FBXO3: variants seen among roughly 807,000 people sequenced by gnomAD.
The protein encoded by FBXO3 is F-box only protein 3.
FBXO3 carries 17 observed loss-of-function variants against 64.8 expected under a neutral mutation model. The ratio of observed to expected loss-of-function variants is 0.26; its 90% CI spans 0.18 to 0.39. FBXO3 has a LOEUF of 0.39. Ranked by LOEUF, FBXO3 falls within the 10% of genes least tolerant of loss-of-function variation. The probability of loss-of-function intolerance (pLI) is 1.00; values close to 1 mark genes in which losing one functional copy is unlikely to be tolerated. For missense variants in FBXO3, 420 were observed against 589.9 expected, an observed-to-expected ratio of 0.71 and a Z score of 2.98; for synonymous variants, 182 against 201.6, an observed-to-expected ratio of 0.90 and a Z score of 0.82.
intron 3 of FBXO3, among the ~76,000 whole-genome samples, chr11:33,764,549 T>A: frequency 6.6e-6 from 1 of 152,022 alleles, no homozygotes; most frequent in East Asian, 1.9e-4. Flanking sequence ...TCTGCAGTTA[T>A]CTTTCTAAAA....
At chr11:33,771,095 T>C (rs1341681895) in intron 1 of FBXO3, 3 of 289,484 alleles carry the variant, frequency 1.0e-5, no homozygotes, top group East Asian at 6.4e-5. Context: ...ACAGACCATA[T>C]ATGCCATTGG....
At chr11:33,766,178 C>T (rs77254607) in intron 3 of FBXO3, among the ~76,000 whole-genome samples, 5,190 of 152,288 alleles carry the variant, frequency 0.034, 236 homozygotes, top group East Asian at 0.18. Flanking sequence ...TTCTTTTCCC[C>T]TTAACCTACT....
rs1854834069 is a variant in FBXO3 at position 33,747,167 on chromosome 11, A to G, written c.1202T>C (p.Met401Thr). ...AGACACCCTGAATGTTGGACATGCC[A>G]TATGGAATCGGGGAATGGCAACATT... ...IFNVAIPRFH[M>T]ACPTFRVSIA... is the part of the protein sequence containing the mutation. The change falls in exon 10 of 11, where the codon ATG becomes ACG. Residue 401 changes from methionine to threonine, a missense_variant. By Grantham distance (81) the Met-to-Thr change is moderately conservative. This residue lies in a region of FBXO3 where 337 missense variants were observed against 518.4 expected (regional missense o/e 0.65). Transcript: ENST00000265651. 3.1e-6 allele frequency: 5 copies of G among 1,609,694 alleles called. No homozygotes were observed. The highest frequency in any genetic ancestry group is 1.3e-5 in the African/African-American group (1 of 74,582).
intron 6 of FBXO3, chr11:33,753,363 C>A (rs1855010960): frequency 6.6e-6 from 1 of 152,250 alleles, no homozygotes; most frequent in Non-Finnish European, 1.5e-5. Flanking sequence ...GAGCACCAAA[C>A]TAAGAGTAAG....
chr11:33,756,710 G>A (rs564909810), intron 4 of FBXO3, among the ~76,000 whole-genome samples: 3 of 152,202 alleles, frequency 2.0e-5, no homozygotes, highest in African/African-American at 4.8e-5. Flanking sequence ...AGTCCTAACT[G>A]ACTTCTATGT....
intron 1 of FBXO3, chr11:33,773,271 G>A (rs1855555408): frequency 6.6e-6 from 1 of 152,198 alleles, no homozygotes; most frequent in Non-Finnish European, 1.5e-5. Context: ...TAAATTGTAA[G>A]TATTTTCTAG....
intron 3 of FBXO3, among the ~76,000 whole-genome samples, chr11:33,759,494 G>C (rs1162562877): frequency 2.6e-5 from 4 of 152,138 alleles, no homozygotes; most frequent in Non-Finnish European, 5.9e-5. Flanking sequence ...CTAGGAAAAA[G>C]GATGAACTGA....
At chr11:33,768,135 A>G (rs1182673716) in intron 3 of FBXO3, among the ~76,000 whole-genome samples, 1 of 151,774 alleles carries the variant, frequency 6.6e-6, no homozygotes, top group Non-Finnish European at 1.5e-5. Flanking sequence ...ACATCTATAC[A>G]ATGCCTTTCA....
chr11:33,747,889 A>C (rs1470481560), intron 9 of FBXO3, among the ~76,000 whole-genome samples: 6 of 152,138 alleles, frequency 3.9e-5, no homozygotes, highest in East Asian at 1.9e-4. Flanking sequence ...AAAAAAAAAA[A>C]AAAACAGAAC....
chr11:33,770,723 T>A lies in FBXO3; in HGVS notation c.194+18A>T, dbSNP rs1168669022. 6.3e-7 allele frequency: 1 copy of A among 1,599,114 alleles called. No homozygotes were observed. The highest frequency in any genetic ancestry group is 1.7e-5 in the Admixed American group (1 of 59,838). ...CCAAGGGCCAGTTTTCAGAAGTACATATTCCTCGAATACTCACTCAGATAT... is the reference window on the plus strand; with the variant it reads ...CCAAGGGCCAGTTTTCAGAAGTACAAATTCCTCGAATACTCACTCAGATAT... On this transcript the variant is annotated intron_variant, in intron 2 of 10. Transcript: ENST00000265651.
rs576320017 is a variant in FBXO3 at position 33,763,043 on chromosome 11, T to C, written c.359-4442A>G. ...GGACAATTTCCTAGAAAACAACTTA[T>C]CAAAATTGACATAAGAATAAATAGA... is the stretch of plus-strand genomic sequence containing the variant. On this transcript the variant is annotated intron_variant, in intron 3 of 10. Transcript: ENST00000265651. 1.4e-3 allele frequency among the ~76,000 whole-genome samples: 216 copies of C among 152,196 alleles called. 2 individuals are homozygous for C. Among genetic ancestry groups the C allele is most frequent in the African/African-American group, 4.8e-3 (200 of 41,542 alleles).
In FBXO3 at chr11:33,741,599, T is replaced by C. The variant is rs1291286156; in HGVS notation, c.*309A>G. On this transcript the variant is annotated 3_prime_UTR_variant, in exon 11 of 11. Coordinates refer to ENST00000265651, the MANE Select transcript of FBXO3 (RefSeq NM_012175.4). ...CTTATTCAAAACAGTTCCCTCTCCATTTCTAGATTTTTGTAAGTATAAAAT... is the reference window on the plus strand; with the variant it reads ...CTTATTCAAAACAGTTCCCTCTCCACTTCTAGATTTTTGTAAGTATAAAAT... 6 of 189,724 alleles carry C rather than the reference T, an allele frequency of 3.2e-5. No homozygotes were observed. Among genetic ancestry groups the C allele is most frequent in the Middle Eastern group, 2.0e-3 (1 of 508 alleles). 11.8% of individuals were successfully genotyped at this position (189,724 alleles called of 1,614,324 possible).
At chr11:33,746,864 G>GT (rs1854825046) in intron 10 of FBXO3, 2 of 1,415,576 alleles carry the variant, frequency 1.4e-6, no homozygotes, top group Non-Finnish European at 1.8e-6. Flanking sequence ...GTCTAATGTG[G>GT]TATTTCTCAT....
chr11:33,762,692 T>C (rs1360134618), intron 3 of FBXO3, among the ~76,000 whole-genome samples: 3 of 144,468 alleles, frequency 2.1e-5, no homozygotes, highest in Non-Finnish European at 3.0e-5. Flanking sequence ...TAAGAAAGGC[T>C]GAAAATCTAT....
At chr11:33,765,318 G>A (rs1855341308) in intron 3 of FBXO3, among the ~76,000 whole-genome samples, 1 of 152,078 alleles carries the variant, frequency 6.6e-6, no homozygotes, top group Non-Finnish European at 1.5e-5. Context: ...TAAAAAAAGA[G>A]AAATTTTAGT....
chr11:33,757,701 G>A (rs1225604384), intron 4 of FBXO3, among the ~76,000 whole-genome samples: 2 of 132,298 alleles, frequency 1.5e-5, no homozygotes, highest in African/African-American at 5.8e-5. Flanking sequence ...GTTTGCATCT[G>A]TAATCCCAGC....
In FBXO3 at chr11:33,774,438, G is replaced by T. The variant is rs1399229167; in HGVS notation, c.60C>A (p.Pro20=). 6.2e-7 allele frequency: 1 copy of T among 1,602,998 alleles called. No individual in the cohort carries two copies. Among genetic ancestry groups the T allele is most frequent in the Non-Finnish European group, 8.5e-7 (1 of 1,175,094 alleles). The part of the protein sequence containing the change: ...PLTLESLPTD[P]LLLILSFLDY... Reference sequence around the variant, plus strand: ...CCAAAAAGGATAAGATGAGGAGCAGGGGATCGGTGGGCAGCGACTCTAGGG... The same window carrying T: ...CCAAAAAGGATAAGATGAGGAGCAGTGGATCGGTGGGCAGCGACTCTAGGG... The change falls in exon 1 of 11, where the codon CCC becomes CCA. Residue 20 remains proline (P), a synonymous_variant. Transcript: ENST00000265651.
chr11:33,766,635 A>C (rs1014883656), intron 3 of FBXO3, among the ~76,000 whole-genome samples: 2 of 152,246 alleles, frequency 1.3e-5, no homozygotes, highest in Non-Finnish European at 2.9e-5. Flanking sequence ...TGTGACAACA[A>C]TATATCTTAA....
chr11:33,755,099 T>G (rs1391600796), intron 5 of FBXO3, among the ~76,000 whole-genome samples: 1 of 151,978 alleles, frequency 6.6e-6, no homozygotes, highest in Non-Finnish European at 1.5e-5. Flanking sequence ...CTCAAACTCC[T>G]GATCTCAGTT....
Sources: gnomAD v4.1 joint callset for allele counts (sites outside exome capture counted in the v4.1 genomes callset) on GRCh38, gnomAD v4.1.1 for gene constraint, gnomAD v4.1.1 regional missense constraint, MANE v1.5 for transcripts, NCBI Gene and HGNC (gene_info 2026-07-23, HGNC 2026-07-21) for gene names.